HAPLN1: variants seen among roughly 807,000 people sequenced by gnomAD.
HAPLN1 encodes hyaluronan and proteoglycan link protein 1, also known as Cartilage link protein.
In HAPLN1, 13 loss-of-function variants were observed where a neutral mutation model predicts 36.5. That is an observed-to-expected ratio of 0.36 (90% CI 0.23 to 0.57). The LOEUF (loss-of-function observed/expected upper bound fraction) is 0.57. Ranked by LOEUF, HAPLN1 falls within the 20% of genes least tolerant of loss-of-function variation. HAPLN1 has a pLI of 0.83. For missense variants in HAPLN1, 407 were observed against 439.7 expected, an observed-to-expected ratio of 0.93 and a Z score of 0.66; for synonymous variants, 202 against 169.8, an observed-to-expected ratio of 1.19 and a Z score of -1.48.
chr5:83,650,011 C>T (rs1364841687), intron 3 of HAPLN1, among the ~76,000 whole-genome samples: 1 of 152,178 alleles, frequency 6.6e-6, no homozygotes, highest in South Asian at 2.1e-4. Context: ...ATGGAGGAGG[C>T]AGATTTAACA....
intron 1 of HAPLN1, among the ~76,000 whole-genome samples, chr5:83,703,714 A>G (rs149820977): frequency 6.6e-6 from 1 of 152,276 alleles, no homozygotes; most frequent in African/African-American, 2.4e-5. Flanking sequence ...AACTAAATCT[A>G]CAAATCACTG....
intron 1 of HAPLN1, among the ~76,000 whole-genome samples, chr5:83,698,247 A>C (rs1024670605): frequency 6.6e-6 from 1 of 152,104 alleles, no homozygotes; most frequent in African/African-American, 2.4e-5. Flanking sequence ...TTCTCCCAGC[A>C]TCTCAGTTTT....
rs1749624058 is a variant in HAPLN1, at chr5:83,639,684, A to G, written c.*1812T>C. ...AAGTGCAAGTTCTATTTATACCACC[A>G]GTGTTTGAGTTTAAACTTTACAAAC... On this transcript the variant is annotated 3_prime_UTR_variant, in exon 5 of 5. Transcript: ENST00000274341. 1 of 152,054 alleles carries G rather than the reference A, an allele frequency of 6.6e-6. No individual in the cohort carries two copies. The highest frequency in any genetic ancestry group is 1.5e-5 in the Non-Finnish European group (1 of 67,938). The allele number at this position is 152,054 out of a possible 1,614,324, so 9.4% of individuals were successfully genotyped here.
In HAPLN1 at chr5:83,684,384, G is replaced by C. The variant is rs554909418; in HGVS notation, c.-26-10835C>G. On this transcript the variant is annotated intron_variant, in intron 1 of 4. Coordinates refer to ENST00000274341, the MANE Select transcript of HAPLN1 (RefSeq NM_001884.4). ...GCAATATAAAAGAACAGGGTGGCAA[G>C]TGCATATAGGCATACTCAGGATACT... Among the ~76,000 whole-genome samples, 75 of 152,254 alleles carry C rather than the reference G, an allele frequency of 4.9e-4. 1 individual carries two copies. The highest frequency in any genetic ancestry group is 1.2e-4 in the Non-Finnish European group (8 of 68,016).
chr5:83,680,432 A>G (rs1291024877), intron 1 of HAPLN1, among the ~76,000 whole-genome samples: 1 of 152,174 alleles, frequency 6.6e-6, no homozygotes, highest in Non-Finnish European at 1.5e-5. Context: ...TGAGTAACTA[A>G]AAGTCTGGAA....
intron 2 of HAPLN1, among the ~76,000 whole-genome samples, chr5:83,663,423 G>T (rs1282443615): frequency 6.6e-6 from 1 of 152,070 alleles, no homozygotes; most frequent in Non-Finnish European, 1.5e-5. Context: ...GGTATTGAGG[G>T]TCTTCAAAAC....
chr5:83,685,283 G>C (rs749107880), intron 1 of HAPLN1, among the ~76,000 whole-genome samples: 1 of 152,176 alleles, frequency 6.6e-6, no homozygotes, highest in Non-Finnish European at 1.5e-5. Flanking sequence ...CTGACACACT[G>C]TAGAAGCTCA....
intron 1 of HAPLN1, among the ~76,000 whole-genome samples, chr5:83,689,486 A>G (rs1246126179): frequency 6.6e-6 from 1 of 152,128 alleles, no homozygotes; most frequent in African/African-American, 2.4e-5. Context: ...CTCCCCAGAC[A>G]AGAAGAATAC....
chr5:83,691,487 C>A (rs984970938), intron 1 of HAPLN1, among the ~76,000 whole-genome samples: 9 of 151,994 alleles, frequency 5.9e-5, no homozygotes, highest in Non-Finnish European at 8.8e-5. Flanking sequence ...GGTTTAAAAT[C>A]TTAAGATGAA....
At chr5:83,696,040 A>G (rs1371114295) in intron 1 of HAPLN1, among the ~76,000 whole-genome samples, 1 of 152,112 alleles carries the variant, frequency 6.6e-6, no homozygotes, top group East Asian at 1.9e-4. Flanking sequence ...AAGTCTACAA[A>G]AAAGCTACTG....
intron 2 of HAPLN1, among the ~76,000 whole-genome samples, chr5:83,666,636 T>C (rs1750559245): frequency 6.6e-6 from 1 of 152,198 alleles, no homozygotes; most frequent in Non-Finnish European, 1.5e-5. Flanking sequence ...ATGTATTTTA[T>C]GAGTTCAGCT....
chr5:83,648,779 A>T (rs1226119048), intron 3 of HAPLN1, among the ~76,000 whole-genome samples: 1 of 152,038 alleles, frequency 6.6e-6, no homozygotes, highest in Admixed American at 6.5e-5. Context: ...TAAGGATGTC[A>T]TTGATAATGA....
At chr5:83,720,757 C>T (rs2112647039) in intron 1 of HAPLN1, 32 bp downstream of exon 1, 1 of 152,150 alleles carries the variant, frequency 6.6e-6, no homozygotes, top group East Asian at 1.9e-4. Flanking sequence ...AAGGTATAAC[C>T]AAAAGAGGGG....
intron 3 of HAPLN1, among the ~76,000 whole-genome samples, chr5:83,647,104 C>T (rs879329466): frequency 6.6e-6 from 1 of 152,142 alleles, no homozygotes; most frequent in African/African-American, 2.4e-5. Context: ...TCATAAACAT[C>T]GGGACAAGTT....
At chr5:83,662,768 C>G (rs182368984) in intron 2 of HAPLN1, among the ~76,000 whole-genome samples, 314 of 152,294 alleles carry the variant, frequency 2.1e-3, no homozygotes, top group Non-Finnish European at 3.5e-3. Flanking sequence ...CTCAACTCTA[C>G]TTGTCTCCAT....
intron 1 of HAPLN1, among the ~76,000 whole-genome samples, chr5:83,718,651 A>T (rs1751963272): frequency 6.6e-6 from 1 of 152,236 alleles, no homozygotes; most frequent in Non-Finnish European, 1.5e-5. Flanking sequence ...CTTAAATGAC[A>T]TAGACTAAGT....
At chr5:83,679,829 A>AT (rs1750957247) in intron 1 of HAPLN1, among the ~76,000 whole-genome samples, 1 of 152,172 alleles carries the variant, frequency 6.6e-6, no homozygotes, top group African/African-American at 2.4e-5. Context: ...AGGGTCAAGT[A>AT]TTTTTTATCT....
At chr5:83,685,670 C>T (rs909327507) in intron 1 of HAPLN1, among the ~76,000 whole-genome samples, 21 of 152,200 alleles carry the variant, frequency 1.4e-4, no homozygotes, top group Middle Eastern at 3.4e-3. Context: ...CTTGAGTTTT[C>T]GTGAGTGTTC....
At chr5:83,663,983 T>C (rs1750485238) in intron 2 of HAPLN1, among the ~76,000 whole-genome samples, 1 of 152,078 alleles carries the variant, frequency 6.6e-6, no homozygotes, top group South Asian at 2.1e-4. Flanking sequence ...TAAATCACAT[T>C]ATGTCACCCT....
Sources: gnomAD v4.1 joint callset for allele counts (sites outside exome capture counted in the v4.1 genomes callset) on GRCh38, gnomAD v4.1.1 for gene constraint, MANE v1.5 for transcripts, NCBI Gene and HGNC (gene_info 2026-07-23, HGNC 2026-07-21) for gene names.